PRKD3: variants seen among roughly 807,000 people sequenced by gnomAD.
The protein encoded by PRKD3 is serine/threonine-protein kinase D3.
In PRKD3, 47 loss-of-function variants were observed where a neutral mutation model predicts 99.2. The observed-to-expected ratio is 0.47, with a 90% CI of 0.38 to 0.60. The LOEUF (loss-of-function observed/expected upper bound fraction) is 0.60, where lower values mean the gene tolerates loss of function less well. Ranked by LOEUF, PRKD3 falls within the 20% of genes least tolerant of loss-of-function variation. PRKD3 has a pLI of 0.00. For missense variants in PRKD3, 1,019 were observed against 1,088.4 expected (o/e 0.94, Z 0.90); for synonymous variants, 392 against 355.4 (o/e 1.10, Z -1.16).
At chr2:37,274,776 A>T (rs185388347) in intron 10 of PRKD3, 79 bp from the exon 11 acceptor site, 2 of 1,308,828 alleles carry the variant, frequency 1.5e-6, no homozygotes, top group African/African-American at 3.0e-5. Context: ...AACCAGAGAT[A>T]TGCATTTCAA....
intron 2 of PRKD3, among the ~76,000 whole-genome samples, chr2:37,300,946 C>T (rs972126962): frequency 2.6e-5 from 4 of 152,134 alleles, no homozygotes; most frequent in African/African-American, 7.2e-5. Context: ...TGTTTTGCCA[C>T]GTTTTTATAG....
chr2:37,262,623 AAC>A (rs1235506934), intron 14 of PRKD3, among the ~76,000 whole-genome samples: 1 of 152,204 alleles, frequency 6.6e-6, no homozygotes, highest in Non-Finnish European at 1.5e-5. Flanking sequence ...AACTTTTATC[AAC>A]AGAGGTTGAA....
chr2:37,274,823 T>G (rs1362943856), intron 10 of PRKD3, 126 bp from the exon 11 acceptor site: 17 of 917,010 alleles, frequency 1.9e-5, no homozygotes, highest in Middle Eastern at 6.7e-4. Flanking sequence ...ATGCAACATT[T>G]AATACACAGT....
intron 12 of PRKD3, among the ~76,000 whole-genome samples, chr2:37,271,825 G>A (rs1036143117): frequency 6.6e-6 from 1 of 152,166 alleles, no homozygotes; most frequent in Non-Finnish European, 1.5e-5. Context: ...GGGACTGCTG[G>A]TCTACAAAGC....
chr2:37,264,717 A>AC lies in PRKD3; in HGVS notation c.1884+2712_1884+2713insG, dbSNP rs560035632. Among the ~76,000 whole-genome samples the AC allele has an allele frequency of 2.0e-5, 3 of 152,300 alleles. No individual in the cohort carries two copies. In the South Asian group the frequency reaches 6.2e-4, roughly 32 times the overall value. ...TGTCTGGCATGTTTGAGATATAGCAAGAAAGTCAACATGGCTATTTTTGGG... is the reference window on the plus strand; with the variant it reads ...TGTCTGGCATGTTTGAGATATAGCAACGAAAGTCAACATGGCTATTTTTGGG... On this transcript the variant is annotated intron_variant, in intron 14 of 18. Transcript: ENST00000234179.
intron 5 of PRKD3, among the ~76,000 whole-genome samples, chr2:37,289,009 G>A (rs753421495): frequency 3.2e-4 from 49 of 151,438 alleles, no homozygotes; most frequent in African/African-American, 5.3e-4. Context: ...AGCAGAGACC[G>A]TGCCACTGCA....
intron 2 of PRKD3, among the ~76,000 whole-genome samples, chr2:37,314,600 A>G (rs1671577947): frequency 6.6e-6 from 1 of 152,132 alleles, no homozygotes; most frequent in South Asian, 2.1e-4. Flanking sequence ...ACTGTACTTA[A>G]TAAATATATA....
intron 13 of PRKD3, chr2:37,268,218 T>G: frequency 2.3e-6 from 1 of 430,268 alleles, no homozygotes; most frequent in Non-Finnish European, 4.7e-6. Context: ...TTAGATTAAC[T>G]CATTTGTCTC....
At chr2:37,293,928 C>T (rs1055884731) in intron 2 of PRKD3, among the ~76,000 whole-genome samples, 2 of 152,180 alleles carry the variant, frequency 1.3e-5, no homozygotes, top group Non-Finnish European at 2.9e-5. Context: ...ACATGTTTTC[C>T]TGTTTGCTTT....
chr2:37,284,532 T>C (rs537098930), intron 6 of PRKD3, among the ~76,000 whole-genome samples: 1 of 152,362 alleles, frequency 6.6e-6, no homozygotes, highest in African/African-American at 2.4e-5. Flanking sequence ...ATTTGTTGGC[T>C]AGAATGTGTA....
chr2:37,267,737 A>C (rs2148518649), intron 13 of PRKD3: 1 of 501,046 alleles, frequency 2.0e-6, no homozygotes, highest in Non-Finnish European at 3.5e-6. Context: ...CCCCTAATAA[A>C]GTCAGCTGCA....
intron 15 of PRKD3, 93 bp downstream of exon 15, chr2:37,260,130 C>T (rs1233785515): frequency 4.9e-6 from 6 of 1,212,134 alleles, no homozygotes; most frequent in Non-Finnish European, 3.4e-6. Flanking sequence ...CACCACTGCA[C>T]TCCAGCCCAG....
At position 37,253,065 on chromosome 2, in the gene PRKD3, T is replaced by C. The variant is rs1304821241; in HGVS notation, c.*112A>G. On this transcript the variant is annotated 3_prime_UTR_variant, in exon 19 of 19. Coordinates refer to ENST00000234179, the MANE Select transcript of PRKD3 (RefSeq NM_005813.6). ...TACTGGTGTCACTTATTCGTTATCA[T>C]ATTTCTTCATATCTTTGCAGCACTG... The C allele has an allele frequency of 3.5e-6, 4 of 1,131,684 alleles. No homozygotes were observed. The highest frequency in any genetic ancestry group is 2.4e-5 in the East Asian group (1 of 40,934). 70.1% of individuals were successfully genotyped at this position (1,131,684 alleles called of 1,614,324 possible).
chr2:37,288,069 T>C (rs1670207437), intron 5 of PRKD3, among the ~76,000 whole-genome samples: 1 of 152,174 alleles, frequency 6.6e-6, no homozygotes, highest in African/African-American at 2.4e-5. Flanking sequence ...CAAGATAAAA[T>C]ATAAACTAAT....
chr2:37,253,114 A>G lies in PRKD3; in HGVS notation c.*63T>C, dbSNP rs1667645408. ...TGCAGATGACAATCTACAAAGAACA[A>G]GTTACACAGCAAAATATCAGTCCAT... is the stretch of plus-strand genomic sequence containing the variant. On this transcript the variant is annotated 3_prime_UTR_variant, in exon 19 of 19. Transcript: ENST00000234179. 3 of 1,475,926 alleles carry G rather than the reference A, an allele frequency of 2.0e-6. No individual in the cohort carries two copies. The highest frequency in any genetic ancestry group is 2.8e-6 in the Non-Finnish European group (3 of 1,083,698). The allele number at this position is 1,475,926 out of a possible 1,614,324, so 91.4% of individuals were successfully genotyped here.
intron 3 of PRKD3, among the ~76,000 whole-genome samples, chr2:37,292,592 C>T (rs905668671): frequency 2.0e-5 from 3 of 151,954 alleles, no homozygotes; most frequent in Non-Finnish European, 4.4e-5. Flanking sequence ...GTGATCCGCC[C>T]GCCTCGGCCT....
intron 17 of PRKD3, among the ~76,000 whole-genome samples, chr2:37,256,168 C>G (rs899311668): frequency 1.3e-5 from 2 of 152,000 alleles, no homozygotes; most frequent in Admixed American, 6.6e-5. Context: ...AAAAACAGTC[C>G]CAAGCAAATT....
At chr2:37,312,836 C>A (rs1671495897) in intron 2 of PRKD3, among the ~76,000 whole-genome samples, 1 of 152,152 alleles carries the variant, frequency 6.6e-6, no homozygotes. Flanking sequence ...CAGAGGCTTG[C>A]AGGAACCTAT....
intron 1 of PRKD3, among the ~76,000 whole-genome samples, chr2:37,322,434 T>A (rs755533436): frequency 6.6e-5 from 10 of 152,196 alleles, no homozygotes; most frequent in Non-Finnish European, 1.5e-4. Context: ...CAGTGACAGT[T>A]GAATCTCAGT....
Sources: gnomAD v4.1 joint callset for allele counts (sites outside exome capture counted in the v4.1 genomes callset) on GRCh38, gnomAD v4.1.1 for gene constraint, MANE v1.5 for transcripts, NCBI Gene and HGNC (gene_info 2026-07-23, HGNC 2026-07-21) for gene names.